ATG7: variants seen among roughly 807,000 people sequenced by gnomAD.
The protein encoded by ATG7 is ubiquitin-like modifier-activating enzyme ATG7.
In ATG7, 70 loss-of-function variants were observed where a neutral mutation model predicts 82.4. The ratio of observed to expected loss-of-function variants is 0.85; its 90% CI spans 0.70 to 1.04. The LOEUF (loss-of-function observed/expected upper bound fraction) is 1.04, where lower values mean the gene tolerates loss of function less well. Ranked by LOEUF, ATG7 falls within the 50% of genes least tolerant of loss-of-function variation. The pLI is 0.00. For missense variants in ATG7, 792 were observed against 864.3 expected, an observed-to-expected ratio of 0.92 and a Z score of 1.05; for synonymous variants, 287 against 313.0, an observed-to-expected ratio of 0.92 and a Z score of 0.88.
At position 11,400,833 on chromosome 3, in the gene ATG7, C is replaced by T. The variant is rs560920107; in HGVS notation, c.1956+20781C>T. Reference sequence around the variant, plus strand: ...TCAACCAAAATTCATACATTACAAACGTCACTCAGGGTAATAATTTTCTTA... The same window carrying T: ...TCAACCAAAATTCATACATTACAAATGTCACTCAGGGTAATAATTTTCTTA... On this transcript the variant is annotated intron_variant, in intron 19 of 20. Coordinates refer to ENST00000693202, the MANE Select transcript of ATG7 (RefSeq NM_001349232.2). 1.2e-3 allele frequency among the ~76,000 whole-genome samples: 166 copies of T among 143,522 alleles called. 2 individuals carry two copies. The highest frequency in any genetic ancestry group is 4.0e-3 in the African/African-American group (158 of 39,314). The allele number at this position is 143,522 out of a possible 152,430, so 94.2% of individuals were successfully genotyped here. A position where few individuals can be genotyped will look rare whatever the true frequency, so the allele number is the denominator to read the frequency against.
chr3:11,404,808 A>G (rs1295934298), intron 19 of ATG7, among the ~76,000 whole-genome samples: 1 of 152,062 alleles, frequency 6.6e-6, no homozygotes, highest in Admixed American at 6.6e-5. Context: ...CTCCCTTTAT[A>G]AAACCATCAG....
intron 20 of ATG7, among the ~76,000 whole-genome samples, chr3:11,452,233 A>G (rs2085257674): frequency 6.6e-6 from 1 of 151,938 alleles, no homozygotes; most frequent in Admixed American, 6.6e-5. Context: ...AAAAATACAA[A>G]AACTAGCTGG....
chr3:11,574,783 ATATGTG>A, the ATG7 span, among the ~76,000 whole-genome samples: 2,269 of 111,828 alleles, frequency 0.02, 30 homozygotes, highest in African/African-American at 0.041. Context: ...ATTCAACTAT[ATATGTG>A]TGTGTGTGTG....
downstream of ATG7, chr3:11,558,946 C>T: frequency 3.2e-6 from 4 of 1,245,396 alleles, no homozygotes; most frequent in Non-Finnish European, 4.4e-6. Context: ...TCAGCGTGGG[C>T]TCTGCAGACA....
chr3:11,368,941 C>T (rs1217705024), intron 18 of ATG7, among the ~76,000 whole-genome samples: 1 of 150,880 alleles, frequency 6.6e-6, no homozygotes, highest in Non-Finnish European at 1.5e-5. Flanking sequence ...TTGGAATTGC[C>T]AACCCCAGGG....
chr3:11,469,629 C>T (rs111389100), intron 20 of ATG7, among the ~76,000 whole-genome samples: 2 of 152,058 alleles, frequency 1.3e-5, no homozygotes, highest in Non-Finnish European at 2.9e-5. Context: ...GGAGTATTGA[C>T]GTTCCTCTTC....
intron 20 of ATG7, among the ~76,000 whole-genome samples, chr3:11,498,960 C>G (rs1318744686): frequency 6.6e-6 from 1 of 152,164 alleles, no homozygotes. Flanking sequence ...AGAACAAGTT[C>G]TCAAACCTGC....
Position 11,381,166 on chromosome 3 carries a change from C to G in ATG7, c.1956+1114C>G, listed in dbSNP as rs112987987. Among the ~76,000 whole-genome samples the G allele has an allele frequency of 5.9e-3, 892 of 152,328 alleles. 7 individuals are homozygous for G. The highest frequency in any genetic ancestry group is 0.02 in the African/African-American group (825 of 41,580). On this transcript the variant is annotated intron_variant, in intron 19 of 20. Coordinates refer to ENST00000693202, the MANE Select transcript of ATG7 (RefSeq NM_001349232.2). ...CAAGCTTAGACTTTGTCAGTAGTTACCCATGAGCCCATTCTTTCTGTAGTT... is the reference window on the plus strand; with the variant it reads ...CAAGCTTAGACTTTGTCAGTAGTTAGCCATGAGCCCATTCTTTCTGTAGTT...
chr3:11,396,560 C>A (rs928296306), intron 19 of ATG7, among the ~76,000 whole-genome samples: 1 of 151,838 alleles, frequency 6.6e-6, no homozygotes, highest in Non-Finnish European at 1.5e-5. Context: ...GCGGATCACT[C>A]GAAGTCAGGA....
chr3:11,355,112 C>T (rs180948973), intron 14 of ATG7, among the ~76,000 whole-genome samples: 10 of 152,320 alleles, frequency 6.6e-5, no homozygotes, highest in Admixed American at 6.5e-4. Flanking sequence ...GAATAGCGAG[C>T]TGTGTGTACT....
chr3:11,379,787 T>C (rs1235035016), intron 18 of ATG7, among the ~76,000 whole-genome samples, 185 bp from the exon 19 acceptor site: 14 of 152,236 alleles, frequency 9.2e-5, no homozygotes, highest in Admixed American at 9.2e-4. Context: ...GGACCTAATA[T>C]AGTTCTTCTG....
At chr3:11,575,314 C>T in the ATG7 span, among the ~76,000 whole-genome samples, 2 of 152,208 alleles carry the variant, frequency 1.3e-5, no homozygotes, top group Admixed American at 6.5e-5. Flanking sequence ...TCTCTAACTG[C>T]GCCAAGGGTT....
intron 20 of ATG7, among the ~76,000 whole-genome samples, chr3:11,469,999 AAAAAAAAAAAG>A (rs1230838732): frequency 6.7e-6 from 1 of 150,362 alleles, no homozygotes; most frequent in African/African-American, 2.5e-5. Flanking sequence ...AAAAAAAAAA[AAAAAAAAAAAG>A]AGAGAGAGAG....
intron 19 of ATG7, among the ~76,000 whole-genome samples, chr3:11,417,410 A>AT (rs1178454880): frequency 2.6e-5 from 4 of 152,166 alleles, no homozygotes; most frequent in African/African-American, 9.7e-5. Flanking sequence ...TGAGCCCTTT[A>AT]TTATTATGTA....
At chr3:11,440,674 CTTTTTTT>C (rs72177700) in intron 20 of ATG7, among the ~76,000 whole-genome samples, 22 of 39,490 alleles carry the variant, frequency 5.6e-4, no homozygotes, top group Non-Finnish European at 7.5e-4. Context: ...TCCCCATTTG[CTTTTTTT>C]TTTTTTTTTT....
chr3:11,456,065 C>T (rs900967823), intron 20 of ATG7, among the ~76,000 whole-genome samples: 6 of 151,958 alleles, frequency 3.9e-5, no homozygotes, highest in South Asian at 2.1e-4. Context: ...GTTGTGTAAC[C>T]GTCATTGTCT....
chr3:11,558,449 T>TG, downstream of ATG7: 3 of 1,403,898 alleles, frequency 2.1e-6, no homozygotes, highest in South Asian at 1.4e-5. Flanking sequence ...AACCATCCCT[T>TG]CCCTTCCCCC....
At position 11,331,347 on chromosome 3, in the gene ATG7, T is replaced by C; in HGVS notation, c.686T>C (p.Ile229Thr). The C allele has an allele frequency of 2.5e-6, 4 of 1,612,484 alleles. No homozygotes were observed. The highest frequency in any genetic ancestry group is 1.1e-5 in the South Asian group (1 of 90,972). Residue 229 changes from isoleucine (I) to threonine (T), a missense_variant, in exon 10 of 21, where the codon ATT becomes ACT. Transcript: ENST00000693202. ...FFQGQRTKIT[I>T]GVYDPCNLAQ... ...AGTCTTTTTTGTTCACAGATAACAA[T>C]TGGTGTATATGATCCCTGTAACTTA...
At chr3:11,491,437 G>A (rs1219030447) in intron 20 of ATG7, among the ~76,000 whole-genome samples, 1 of 152,178 alleles carries the variant, frequency 6.6e-6, no homozygotes, top group African/African-American at 2.4e-5. Flanking sequence ...GTAGCTCAGA[G>A]TAGTTTGATC....
Sources: gnomAD v4.1 joint callset for allele counts (sites outside exome capture counted in the v4.1 genomes callset) on GRCh38, gnomAD v4.1.1 for gene constraint, MANE v1.5 for transcripts, NCBI Gene and HGNC (gene_info 2026-07-23, HGNC 2026-07-21) for gene names.